The following ROBO2 variants were observed in gnomAD, a reference collection of about 807,000 sequenced individuals.
ROBO2 encodes the protein roundabout homolog 2.
ROBO2 carries 53 observed loss-of-function variants against 160.8 expected under a neutral mutation model. The observed-to-expected ratio is 0.33, with a 90% CI of 0.26 to 0.41. The LOEUF is 0.41. ROBO2 is among the 10% of genes least tolerant of loss of function. The pLI, the probability that ROBO2 is intolerant of heterozygous loss-of-function variation, is 1.00. For synonymous variants in ROBO2, 664 were observed against 611.7 expected (o/e 1.09, Z -1.26); for missense variants, 1,577 against 1,722.4 (o/e 0.92, Z 1.49).
At chr3:76,393,548 C>A (rs1279774364) in intron 2 of ROBO2, among the ~76,000 whole-genome samples, 1 of 152,038 alleles carries the variant, frequency 6.6e-6, no homozygotes, top group Non-Finnish European at 1.5e-5. Flanking sequence ...TATATGAGTT[C>A]TTGCGTTTAT....
chr3:77,341,835 TAA>T (rs143406066), intron 2 of ROBO2, among the ~76,000 whole-genome samples: 2 of 148,982 alleles, frequency 1.3e-5, no homozygotes, highest in African/African-American at 4.9e-5. Context: ...ATATTCTAAT[TAA>T]AAAAAAAACT....
rs115978049 is a variant in ROBO2, at chr3:77,495,096, T to C, written c.806+1714T>C. 1.6e-3 allele frequency among the ~76,000 whole-genome samples: 248 copies of C among 152,322 alleles called. 3 individuals are homozygous for C. Among genetic ancestry groups the C allele is most frequent in the African/African-American group, 5.4e-3 (225 of 41,582 alleles). ...ATTGTTACTGTCCATCCTCTATATA[T>C]AGTCAGCAACTTTCTTCAAATTTGA... On this transcript the variant is annotated intron_variant, in intron 5 of 25. Transcript: ENST00000461745.
chr3:76,787,987 G>A (rs2063102322), intron 2 of ROBO2, among the ~76,000 whole-genome samples: 1 of 151,182 alleles, frequency 6.6e-6, no homozygotes, highest in Non-Finnish European at 1.5e-5. Flanking sequence ...ATCTAATGTT[G>A]AGAACAGCTT....
intron 2 of ROBO2, among the ~76,000 whole-genome samples, chr3:76,615,458 A>G (rs960179547): frequency 2.0e-5 from 3 of 152,154 alleles, no homozygotes; most frequent in Non-Finnish European, 4.4e-5. Context: ...TTTTAGTACC[A>G]TGAAATTCTG....
chr3:76,770,294 T>C (rs2061811084), intron 2 of ROBO2, among the ~76,000 whole-genome samples: 1 of 151,344 alleles, frequency 6.6e-6, no homozygotes. Context: ...TCATAGTCTC[T>C]CCTCTCTCCT....
intron 2 of ROBO2, among the ~76,000 whole-genome samples, chr3:77,222,810 G>T (rs1034653151): frequency 1.3e-5 from 2 of 152,102 alleles, no homozygotes; most frequent in African/African-American, 2.4e-5. Context: ...GGAAAATGTG[G>T]TCTACTCCTA....
At chr3:75,958,317 T>C (rs1948789207) in intron 2 of ROBO2, among the ~76,000 whole-genome samples, 2 of 151,840 alleles carry the variant, frequency 1.3e-5, no homozygotes, top group Non-Finnish European at 2.9e-5. Flanking sequence ...TTCACAAACA[T>C]TCATTGACAC....
intron 2 of ROBO2, among the ~76,000 whole-genome samples, chr3:76,723,946 T>G (rs1325141080): frequency 6.6e-6 from 1 of 152,130 alleles, no homozygotes; most frequent in East Asian, 1.9e-4. Context: ...CTCCAAACTA[T>G]GTTTCCACAC....
At chr3:76,812,084 A>G (rs1421563520) in intron 2 of ROBO2, among the ~76,000 whole-genome samples, 2 of 151,712 alleles carry the variant, frequency 1.3e-5, no homozygotes, top group African/African-American at 4.8e-5. Flanking sequence ...TTAGCAAGCC[A>G]GGATGGTCTT....
chr3:77,401,275 A>AG (rs2075773556), intron 2 of ROBO2, among the ~76,000 whole-genome samples: 2 of 151,570 alleles, frequency 1.3e-5, no homozygotes, highest in Non-Finnish European at 2.9e-5. Flanking sequence ...AAAAAAAAAA[A>AG]ACTCAAAGAG....
At chr3:76,921,995 A>G (rs1359528047) in intron 2 of ROBO2, among the ~76,000 whole-genome samples, 1 of 152,152 alleles carries the variant, frequency 6.6e-6, no homozygotes, top group African/African-American at 2.4e-5. Flanking sequence ...TGAACAGATA[A>G]AAATACAAAT....
intron 2 of ROBO2, among the ~76,000 whole-genome samples, chr3:76,086,613 C>T (rs990621810): frequency 2.6e-5 from 4 of 152,082 alleles, no homozygotes; most frequent in Non-Finnish European, 5.9e-5. Flanking sequence ...TCTGTTTACC[C>T]AGTGCATCAT....
intron 2 of ROBO2, among the ~76,000 whole-genome samples, chr3:77,430,442 ACATATT>A (rs1240715005): frequency 2.3e-4 from 35 of 152,288 alleles, no homozygotes; most frequent in Middle Eastern, 3.4e-3. Context: ...ATGTGTATGT[ACATATT>A]AATGTATTAA....
chr3:76,743,918 T>A (rs2093843042), intron 2 of ROBO2, among the ~76,000 whole-genome samples: 1 of 152,084 alleles, frequency 6.6e-6, no homozygotes, highest in Non-Finnish European at 1.5e-5. Flanking sequence ...ATAGTTCTAA[T>A]GGAATGGGGA....
Position 76,587,683 on chromosome 3 carries a change from G to A in ROBO2, c.110-510331G>A, listed in dbSNP as rs183531758. Among the ~76,000 whole-genome samples the A allele has an allele frequency of 4.4e-4, 67 of 152,282 alleles. No individual in the cohort carries two copies. The East Asian group carries it at 0.012, about 28-fold the overall frequency. The stretch of plus-strand genomic sequence containing the variant: ...CAATTCAAGATGAGATTTGGGTGGG[G>A]ACACAGCCAAACCATATCAGTACCC... On this transcript the variant is annotated intron_variant, in intron 2 of 26. Coordinates refer to the ROBO2 transcript ENST00000487694.
intron 2 of ROBO2, among the ~76,000 whole-genome samples, chr3:76,130,464 G>A (rs2071183384): frequency 6.6e-6 from 1 of 152,118 alleles, no homozygotes; most frequent in Admixed American, 6.5e-5. Context: ...ACAGTCCCTA[G>A]GATATTATAT....
chr3:77,269,613 A>ATG (rs146144052), intron 2 of ROBO2, among the ~76,000 whole-genome samples: 75,537 of 151,794 alleles, frequency 0.5, 20,001 homozygotes, highest in Middle Eastern at 0.7. Flanking sequence ...GTTTTCCAAG[A>ATG]TGTGTGTGTA....
At chr3:77,429,810 A>G (rs1158336054) in intron 2 of ROBO2, among the ~76,000 whole-genome samples, 3 of 151,978 alleles carry the variant, frequency 2.0e-5, no homozygotes, top group Non-Finnish European at 2.9e-5. Context: ...TTCTCTCTGC[A>G]TGTTGATACT....
intron 2 of ROBO2, among the ~76,000 whole-genome samples, chr3:76,588,704 T>A (rs2086222350): frequency 6.6e-6 from 1 of 152,220 alleles, no homozygotes. Context: ...GTGAGATATA[T>A]AACTTACTTT....
Sources: gnomAD v4.1 joint callset for allele counts (sites outside exome capture counted in the v4.1 genomes callset) on GRCh38, gnomAD v4.1.1 for gene constraint, MANE v1.5 for transcripts, NCBI Gene and HGNC (gene_info 2026-07-23, HGNC 2026-07-21) for gene names.